ADH1C: variants seen among roughly 807,000 people sequenced by gnomAD.
ADH1C encodes alcohol dehydrogenase 1C.
Under a neutral mutation model 35.0 loss-of-function variants are expected in ADH1C, and 26 were observed. The ratio of observed to expected loss-of-function variants is 0.74; its 90% confidence interval spans 0.54 to 1.03. The LOEUF is 1.03. Among genes scored for constraint, ADH1C ranks in the 50% least tolerant of loss-of-function variants. The probability of loss-of-function intolerance (pLI) is 0.00; values close to 1 mark genes in which losing one functional copy is unlikely to be tolerated. For synonymous variants in ADH1C, 170 were observed against 169.3 expected, an observed-to-expected ratio of 1.00 and a Z score of -0.03; for missense variants, 413 against 465.4, an observed-to-expected ratio of 0.89 and a Z score of 1.04.
At chr4:99,352,221 G>T (rs1734693761) in intron 1 of ADH1C, among the ~76,000 whole-genome samples, 1 of 145,616 alleles carries the variant, frequency 6.9e-6, no homozygotes. Flanking sequence ...GACTTCTTGT[G>T]TTCACAAAAA....
At chr4:99,337,009 T>C (rs1339071028) in intron 8 of ADH1C, among the ~76,000 whole-genome samples, 1 of 152,016 alleles carries the variant, frequency 6.6e-6, no homozygotes. Context: ...TGAGTATGCC[T>C]GTCATTTAGA....
intron 1 of ADH1C, among the ~76,000 whole-genome samples, chr4:99,348,290 C>G (rs1734590075): frequency 8.0e-6 from 1 of 125,302 alleles, no homozygotes; most frequent in African/African-American, 3.0e-5. Context: ...CCCCACCCCA[C>G]AATAGTCCCC....
At chr4:99,342,378 A>G (rs34871400) in intron 6 of ADH1C, among the ~76,000 whole-genome samples, 3,431 of 152,332 alleles carry the variant, frequency 0.023, 126 homozygotes, top group African/African-American at 0.078. Flanking sequence ...GAAGAATACT[A>G]TGTCAAAAAG....
At chr4:99,348,658 G>A (rs1361540067) in intron 1 of ADH1C, among the ~76,000 whole-genome samples, 11 of 150,418 alleles carry the variant, frequency 7.3e-5, no homozygotes, top group Non-Finnish European at 1.6e-4. Flanking sequence ...GGGATGGCTG[G>A]GTCAAATGGT....
At chr4:99,339,543 A>T in intron 8 of ADH1C, 34 bp downstream of exon 8, 1 of 1,476,092 alleles carries the variant, frequency 6.8e-7, no homozygotes, top group Non-Finnish European at 9.1e-7. Context: ...ACTGTAGAAT[A>T]CAAAGCAAAA....
chr4:99,344,800 C>T (rs283411), intron 5 of ADH1C, 62 bp downstream of exon 5: 3 of 1,589,242 alleles, frequency 1.9e-6, no homozygotes, highest in African/African-American at 1.4e-5. Context: ...CAAGAAATTG[C>T]TTCCCTTTTG....
At chr4:99,337,642 A>G (rs907708034) in intron 8 of ADH1C, among the ~76,000 whole-genome samples, 7 of 152,054 alleles carry the variant, frequency 4.6e-5, no homozygotes, top group African/African-American at 1.7e-4. Flanking sequence ...ATATATGCAC[A>G]TAATTTAGAG....
At position 99,345,200 on chromosome 4, in the gene ADH1C, C is replaced by A. The variant is rs1734503524; in HGVS notation, c.326G>T (p.Ser109Ile). The change falls in exon 4 of 9, where the codon AGC becomes ATC. Residue 109 changes from serine (S) to isoleucine (I), a missense_variant. Coordinates refer to ENST00000515683, the MANE Select transcript of ADH1C (RefSeq NM_000669.5). ...GKCRICKNPE[S>I]NYCLKNDLGN... ...TTACTCATTTTTCAAGCAGTAGTTGCTTTCTGGGTTTTTACAAATTCTGCA... is the reference window on the plus strand; with the variant it reads ...TTACTCATTTTTCAAGCAGTAGTTGATTTCTGGGTTTTTACAAATTCTGCA... The A allele has an allele frequency of 1.2e-6, 2 of 1,613,930 alleles. No individual in the cohort carries two copies. Among genetic ancestry groups the A allele is most frequent in the Non-Finnish European group, 1.7e-6 (2 of 1,179,942 alleles).
intron 5 of ADH1C, among the ~76,000 whole-genome samples, chr4:99,343,841 G>A (rs942814722): frequency 5.9e-5 from 9 of 152,198 alleles, no homozygotes; most frequent in Non-Finnish European, 4.4e-5. Flanking sequence ...AAATTGGCTA[G>A]CGGTTATTTA....
intron 6 of ADH1C, among the ~76,000 whole-genome samples, chr4:99,342,430 T>G (rs1006041857): frequency 6.6e-6 from 1 of 152,202 alleles, no homozygotes; most frequent in Admixed American, 6.5e-5. Flanking sequence ...GTTAAAATAT[T>G]TTTGTTAAGA....
intron 3 of ADH1C, 70 bp from the exon 4 acceptor site, chr4:99,345,336 C>T (rs575220230): frequency 9.6e-5 from 135 of 1,404,380 alleles, no homozygotes; most frequent in Non-Finnish European, 1.3e-4. Context: ...ACTTAACGCT[C>T]ACATGTATAG....
chr4:99,344,748 T>TA, intron 5 of ADH1C, 114 bp downstream of exon 5: 1 of 1,368,668 alleles, frequency 7.3e-7, no homozygotes, highest in South Asian at 1.3e-5. Context: ...TTTCTACTCT[T>TA]AATCGACACT....
At chr4:99,344,709 C>T (rs191636184) in intron 5 of ADH1C, among the ~76,000 whole-genome samples, 153 bp downstream of exon 5, 5 of 152,300 alleles carry the variant, frequency 3.3e-5, no homozygotes, top group African/African-American at 1.2e-4. Flanking sequence ...AAATTTCTAG[C>T]CTGTGCTCTC....
chr4:99,339,521 C>CT lies in ADH1C; in HGVS notation c.1103+55_1103+56insA, dbSNP rs1491157170. 5 of 1,156,676 alleles carry CT rather than the reference C, an allele frequency of 4.3e-6. No homozygotes were observed. The African/African-American group carries it at 9.9e-5, about 23-fold the overall frequency. 71.7% of individuals were successfully genotyped at this position (1,156,676 alleles called of 1,614,324 possible). A position where few individuals can be genotyped will look rare whatever the true frequency, so the allele number is the denominator to read the frequency against. Reference sequence around the variant, plus strand: ...TTCTCTGCTAGACAACGCCCCCCCCCCCCCCGCCGCTACTGTAGAATACAA... The same window carrying CT: ...TTCTCTGCTAGACAACGCCCCCCCCCTCCCCCGCCGCTACTGTAGAATACAA... On this transcript the variant is annotated intron_variant, in intron 8 of 8. Coordinates refer to ENST00000515683, the MANE Select transcript of ADH1C (RefSeq NM_000669.5).
chr4:99,346,194 GAC>G (rs1209980609), intron 3 of ADH1C, among the ~76,000 whole-genome samples: 2 of 152,024 alleles, frequency 1.3e-5, no homozygotes, highest in African/African-American at 4.8e-5. Context: ...TATTTCACAA[GAC>G]CAAGAAAAAT....
intron 2 of ADH1C, 38 bp from the exon 3 acceptor site, chr4:99,347,182 A>T: frequency 6.3e-7 from 1 of 1,597,878 alleles, no homozygotes. Context: ...TTCAGAAAAG[A>T]TTATGACTGT....
intron 8 of ADH1C, among the ~76,000 whole-genome samples, chr4:99,337,122 T>G (rs1734296642): frequency 6.6e-6 from 1 of 152,168 alleles, no homozygotes; most frequent in African/African-American, 2.4e-5. Flanking sequence ...ATGCAATAAG[T>G]TTTTGCTATT....
In ADH1C at chr4:99,340,665, T is replaced by A. The variant is rs200253359; in HGVS notation, c.874A>T (p.Ile292Phe). The A allele has an allele frequency of 8.8e-5, 142 of 1,613,068 alleles. No individual in the cohort carries two copies. In the Middle Eastern group the frequency reaches 4.0e-3, roughly 45 times the overall value. The change falls in exon 7 of 9, where the codon ATT (isoleucine) becomes TTT (phenylalanine). Residue 292 changes from isoleucine (I) to phenylalanine (F), a missense_variant. Physicochemically the swap from Ile to Phe is conservative, Grantham distance 21. Transcript: ENST00000515683. ...CCHEACGTSVIVGVPPDSQNL... is the reference protein window; with the variant it reads ...CCHEACGTSVFVGVPPDSQNL... ...TGGGAATCAGGAGGTACCCCTACAA[T>A]GACACTTGTGCCACATGCCTCATGA...
chr4:99,336,786 G>A lies in ADH1C; in HGVS notation c.1104-10C>T, dbSNP rs375726509. ...CAGGACGGTACGGATACTGCAATAG[G>A]AAAGAAGAGACATTGTGTTAACATT... On this transcript the variant is annotated splice_polypyrimidine_tract_variant and intron_variant, in intron 8 of 8. Coordinates refer to ENST00000515683, the MANE Select transcript of ADH1C (RefSeq NM_000669.5). 1 of 1,613,480 alleles carries A rather than the reference G, an allele frequency of 6.2e-7. No individual in the cohort carries two copies. The highest frequency in any genetic ancestry group is 8.5e-7 in the Non-Finnish European group (1 of 1,179,676).
Sources: gnomAD v4.1 joint callset for allele counts (sites outside exome capture counted in the v4.1 genomes callset) on GRCh38, gnomAD v4.1.1 for gene constraint, MANE v1.5 for transcripts, NCBI Gene and HGNC (gene_info 2026-07-23, HGNC 2026-07-21) for gene names.